Variants in ACSF3 observed in about 807,000 individuals in gnomAD.
The protein encoded by ACSF3 is malonate--CoA ligase ACSF3, mitochondrial.
Under a neutral mutation model 53.2 loss-of-function variants are expected in ACSF3, and 78 were observed. That is an observed-to-expected ratio of 1.47 (90% CI 1.22 to 1.77). ACSF3 has a LOEUF of 1.77. Among genes scored for constraint, ACSF3 ranks in the 40% most tolerant of loss-of-function variants. The probability of loss-of-function intolerance (pLI) is 0.00; values close to 1 mark genes in which losing one functional copy is unlikely to be tolerated. For synonymous variants in ACSF3, 414 were observed against 333.1 expected (o/e 1.24, Z -2.65); for missense variants, 937 against 771.1 (o/e 1.22, Z -2.55).
chr16:89,134,074 G>A (rs374242375), intron 8 of ACSF3, among the ~76,000 whole-genome samples: 4 of 152,236 alleles, frequency 2.6e-5, no homozygotes, highest in Admixed American at 6.5e-5. Flanking sequence ...GATAGTGGAC[G>A]TATATGGATG....
At chr16:89,141,208 A>C (rs1911690050) in intron 8 of ACSF3, 1 of 1,287,114 alleles carries the variant, frequency 7.8e-7, no homozygotes, top group Non-Finnish European at 1.0e-6. Flanking sequence ...TGAGCCCTTG[A>C]TAGCAGCGTC....
intron 10 of ACSF3, chr16:89,151,027 G>A (rs1308989229): frequency 1.6e-6 from 2 of 1,289,058 alleles, no homozygotes; most frequent in Non-Finnish European, 2.0e-6. Context: ...TGAGTTTTCA[G>A]GTTGAAAGAA....
chr16:89,141,829 G>A (rs918134030), intron 8 of ACSF3, among the ~76,000 whole-genome samples: 1 of 152,162 alleles, frequency 6.6e-6, no homozygotes, highest in Admixed American at 6.5e-5. Context: ...GGCCCTGCAC[G>A]CCACACACGT....
intron 1 of ACSF3, among the ~76,000 whole-genome samples, chr16:89,095,853 G>A (rs1974550992): frequency 6.6e-6 from 1 of 152,234 alleles, no homozygotes; most frequent in African/African-American, 2.4e-5. Flanking sequence ...GGTGGGAAGT[G>A]AAGGGCTAGG....
chr16:89,100,501 G>A (rs1036800820), intron 2 of ACSF3, 161 bp from the exon 3 acceptor site: 7 of 687,096 alleles, frequency 1.0e-5, no homozygotes, highest in South Asian at 7.3e-5. Flanking sequence ...CAGCAGTGTG[G>A]GTGAGAAAGG....
intron 2 of ACSF3, among the ~76,000 whole-genome samples, chr16:89,099,341 G>A (rs966976734): frequency 2.0e-5 from 3 of 152,236 alleles, no homozygotes; most frequent in African/African-American, 4.8e-5. Context: ...GAATTCCAGT[G>A]GACGGCGGGC....
chr16:89,139,562 C>CACTT (rs1911318642), intron 8 of ACSF3, among the ~76,000 whole-genome samples: 1 of 150,928 alleles, frequency 6.6e-6, no homozygotes, highest in South Asian at 2.1e-4. Context: ...TGAATCCTGG[C>CACTT]ACTTGGTGAC....
intron 7 of ACSF3, among the ~76,000 whole-genome samples, chr16:89,123,412 G>A (rs910745902): frequency 2.0e-5 from 3 of 152,200 alleles, no homozygotes; most frequent in Non-Finnish European, 2.9e-5. Flanking sequence ...TGAGTCTCAC[G>A]CAGTAGCCCT....
chr16:89,112,426 A>C (rs916312254), intron 5 of ACSF3, among the ~76,000 whole-genome samples, 180 bp downstream of exon 5: 20 of 146,866 alleles, frequency 1.4e-4, no homozygotes, highest in East Asian at 2.0e-4. Context: ...CTCTCTCTCT[A>C]CCCGTCTGTA....
Position 89,100,779 on chromosome 16 carries a change from A to G in ACSF3, c.98A>G (p.His33Arg). 6.2e-7 allele frequency: 1 copy of G among 1,610,936 alleles called. No individual in the cohort carries two copies. Among genetic ancestry groups the G allele is most frequent in the East Asian group, 2.2e-5 (1 of 44,866 alleles). The change falls in exon 3 of 11, where the codon CAC becomes CGC. Residue 33 changes from histidine (H) to arginine (R), a missense_variant. Coordinates refer to ENST00000614302, the MANE Select transcript of ACSF3 (RefSeq NM_001243279.3). ...PARHRGSGLL[H>R]TAPVARSDRS... ...AGACACAGAGGAAGTGGTCTTCTGC[A>G]CACAGCCCCAGTGGCCCGCTCGGAC... is the stretch of plus-strand genomic sequence containing the variant.
intron 8 of ACSF3, among the ~76,000 whole-genome samples, chr16:89,134,036 A>G (rs1909897232): frequency 6.6e-6 from 1 of 152,176 alleles, no homozygotes; most frequent in South Asian, 2.1e-4. Flanking sequence ...CATGGGGCGT[A>G]TTTGGACAGT....
At chr16:89,136,594 G>A (rs1288672208) in intron 8 of ACSF3, 4 of 1,285,428 alleles carry the variant, frequency 3.1e-6, no homozygotes, top group Admixed American at 2.3e-5. Context: ...CGGGCACAGG[G>A]GACAGCCAGG....
intron 4 of ACSF3, among the ~76,000 whole-genome samples, chr16:89,108,332 A>G (rs778676494): frequency 2.0e-5 from 3 of 152,068 alleles, no homozygotes; most frequent in Admixed American, 6.5e-5. Context: ...GCTTCCCCCA[A>G]CTTGTTTCCC....
In ACSF3 at chr16:89,122,656, G is replaced by A. The variant is rs118175289; in HGVS notation, c.1239+1743G>A. The stretch of plus-strand genomic sequence containing the variant: ...CAGCAGAGAGCAGAACGTGAGTGGC[G>A]TGTGGAGGAGTGAGACGCCCCGTGG... On this transcript the variant is annotated intron_variant, in intron 7 of 10. Transcript: ENST00000614302. The A allele has an allele frequency of 9.4e-4, 164 of 174,030 alleles. 1 individual carries two copies. Among genetic ancestry groups the A allele is most frequent in the Non-Finnish European group, 1.5e-3 (120 of 79,034 alleles). 10.8% of individuals were successfully genotyped at this position (174,030 alleles called of 1,614,324 possible). A position where few individuals can be genotyped will look rare whatever the true frequency, so the allele number is the denominator to read the frequency against.
At chr16:89,134,610 T>C (rs994723451) in intron 8 of ACSF3, among the ~76,000 whole-genome samples, 4 of 152,272 alleles carry the variant, frequency 2.6e-5, no homozygotes, top group Non-Finnish European at 4.4e-5. Flanking sequence ...AGAGCTCCCA[T>C]ACAAAGGGAG....
In ACSF3 at chr16:89,141,502, C is replaced by A. The variant is rs1597228363; in HGVS notation, c.1367-3765C>A. Among the ~76,000 whole-genome samples, 4 of 152,340 alleles carry A rather than the reference C, an allele frequency of 2.6e-5. No homozygotes were observed. In the South Asian group the frequency reaches 8.3e-4, roughly 32 times the overall value. On this transcript the variant is annotated intron_variant, in intron 8 of 10. Coordinates refer to ENST00000614302, the MANE Select transcript of ACSF3 (RefSeq NM_001243279.3). ...AGCAGGGGTACTGGGGCAGAGGGGC[C>A]ATGTTTGTGCAGCAGGATGGACCCT...
At chr16:89,098,130 A>G (rs1051324007) in intron 1 of ACSF3, among the ~76,000 whole-genome samples, 1 of 152,008 alleles carries the variant, frequency 6.6e-6, no homozygotes, top group African/African-American at 2.4e-5. Context: ...CAAATCAAAC[A>G]AGCAAAAACC....
At chr16:89,113,965 G>T in intron 5 of ACSF3, 1 of 357,330 alleles carries the variant, frequency 2.8e-6, no homozygotes, top group South Asian at 2.2e-5. Flanking sequence ...GTTCACCCGT[G>T]ATCAGCTCCG....
intron 10 of ACSF3, among the ~76,000 whole-genome samples, chr16:89,146,786 G>T (rs1913047090): frequency 6.6e-6 from 1 of 152,146 alleles, no homozygotes. Context: ...CTCACCCCCA[G>T]TGGTTTCTGA....
Sources: gnomAD v4.1 joint callset for allele counts (sites outside exome capture counted in the v4.1 genomes callset) on GRCh38, gnomAD v4.1.1 for gene constraint, MANE v1.5 for transcripts, NCBI Gene and HGNC (gene_info 2026-07-23, HGNC 2026-07-21) for gene names.